TBC1D5: variants seen among roughly 807,000 people sequenced by gnomAD.
TBC1D5 encodes the protein TBC1 domain family, member 5.
Under a neutral mutation model 100.3 loss-of-function variants are expected in TBC1D5, and 75 were observed. The ratio of observed to expected loss-of-function variants is 0.75; its 90% CI spans 0.62 to 0.91. TBC1D5 has a LOEUF of 0.91. Among genes scored for constraint, TBC1D5 ranks in the 40% least tolerant of loss-of-function variants. TBC1D5 has a pLI of 0.00. For missense variants in TBC1D5, 910 were observed against 942.4 expected, an observed-to-expected ratio of 0.97 and a Z score of 0.45; for synonymous variants, 323 against 325.6, an observed-to-expected ratio of 0.99 and a Z score of 0.09.
Position 17,271,312 on chromosome 3 carries a change from C to T in TBC1D5, c.1246-12721G>A, listed in dbSNP as rs117689878. On this transcript the variant is annotated intron_variant, in intron 15 of 21. Coordinates refer to ENST00000253692, the Ensembl canonical transcript of TBC1D5. Reference sequence around the variant, plus strand: ...CTTTCGGCAGTGTTTTGCAGTTCTCCTTGTAGAGACCTTTCATGTCCTTGG... The same window carrying T: ...CTTTCGGCAGTGTTTTGCAGTTCTCTTTGTAGAGACCTTTCATGTCCTTGG... Among the ~76,000 whole-genome samples, 98 of 152,088 alleles carry T rather than the reference C, an allele frequency of 6.4e-4. 2 individuals are homozygous for T. The East Asian group carries it at 0.019, about 29-fold the overall frequency.
intron 1 of TBC1D5, among the ~76,000 whole-genome samples, chr3:17,708,078 G>A (rs1322552158): frequency 6.6e-6 from 1 of 152,116 alleles, no homozygotes; most frequent in African/African-American, 2.4e-5. Context: ...ACCACCCCCA[G>A]TGGCATTCCC....
intron 1 of TBC1D5, among the ~76,000 whole-genome samples, chr3:17,641,014 GCTTTC>G (rs1313283993): frequency 1.3e-5 from 2 of 150,904 alleles, no homozygotes; most frequent in Non-Finnish European, 1.5e-5. Flanking sequence ...CCATTTTTCT[GCTTTC>G]CTTTCATCTA....
intron 13 of TBC1D5, among the ~76,000 whole-genome samples, chr3:17,334,508 G>C (rs73145823): frequency 0.09 from 13,617 of 152,098 alleles, 1,387 homozygotes; most frequent in African/African-American, 0.25. Flanking sequence ...AGATGGCTAA[G>C]TAACTTGACC....
intron 1 of TBC1D5, among the ~76,000 whole-genome samples, chr3:17,693,134 AAC>A (rs375518988): frequency 6.6e-6 from 1 of 152,236 alleles, no homozygotes; most frequent in African/African-American, 2.4e-5. Context: ...GCCAAATAGG[AAC>A]AGCTTCAGTC....
At chr3:17,596,700 C>CAAAAAAAA (rs34625799) in intron 2 of TBC1D5, among the ~76,000 whole-genome samples, 45 of 44,780 alleles carry the variant, frequency 1.0e-3, no homozygotes, top group Non-Finnish European at 1.4e-3. Flanking sequence ...GACTCCATCT[C>CAAAAAAAA]AAAAAAAAAA....
chr3:17,513,841 T>A (rs2095945740), intron 2 of TBC1D5, among the ~76,000 whole-genome samples: 3 of 151,844 alleles, frequency 2.0e-5, no homozygotes, highest in Admixed American at 6.6e-5. Flanking sequence ...TAACCAGAAA[T>A]ATGACATATG....
At chr3:17,440,391 A>G (rs2149525421) in intron 3 of TBC1D5, among the ~76,000 whole-genome samples, 1 of 152,232 alleles carries the variant, frequency 6.6e-6, no homozygotes, top group African/African-American at 2.4e-5. Context: ...TTTGGGAGGC[A>G]GAGGTGGGCA....
At chr3:17,233,491 C>T (rs1559459893) in intron 17 of TBC1D5, among the ~76,000 whole-genome samples, 194 bp downstream of exon 18, 1 of 152,088 alleles carries the variant, frequency 6.6e-6, no homozygotes, top group Non-Finnish European at 1.5e-5. Context: ...CAGCCATATT[C>T]GGCATCACCA....
intron 2 of TBC1D5, among the ~76,000 whole-genome samples, chr3:17,602,561 A>ATTTTTTTTTTTT (rs33956978): frequency 1.1e-4 from 8 of 74,514 alleles, no homozygotes; most frequent in East Asian, 4.0e-4. Context: ...AGAGAATCAG[A>ATTTTTTTTTTTT]TTTTTTTTTT....
chr3:17,226,943 C>A (rs1483130711), intron 17 of TBC1D5, among the ~76,000 whole-genome samples: 5 of 152,112 alleles, frequency 3.3e-5, no homozygotes, highest in Non-Finnish European at 5.9e-5. Context: ...CGTGACCAAA[C>A]ATCAGGGAAT....
intron 1 of TBC1D5, among the ~76,000 whole-genome samples, chr3:17,666,906 T>C (rs1353793058): frequency 3.0e-4 from 46 of 152,194 alleles, no homozygotes; most frequent in Non-Finnish European, 2.9e-5. Flanking sequence ...TATTAGATCT[T>C]TCGTGTTTTT....
Position 17,622,193 on chromosome 3 carries a change from G to A in TBC1D5, c.-36+1656C>T, listed in dbSNP as rs556773712. Among the ~76,000 whole-genome samples the A allele has an allele frequency of 2.9e-4, 44 of 152,192 alleles. No homozygotes were observed. The South Asian group carries it at 6.9e-3, about 24-fold the overall frequency. ...AAGGAATGAGCAATGTGGATCCCTC[G>A]CATACACAATTCGTAACAGGGTTTG... On this transcript the variant is annotated intron_variant, in intron 2 of 21. Coordinates refer to ENST00000253692, the Ensembl canonical transcript of TBC1D5.
chr3:17,278,092 C>T (rs1046037218), intron 15 of TBC1D5, among the ~76,000 whole-genome samples: 2 of 152,198 alleles, frequency 1.3e-5, no homozygotes, highest in Non-Finnish European at 2.9e-5. Flanking sequence ...CAGTGAAACT[C>T]AAGACCTTAG....
intron 13 of TBC1D5, among the ~76,000 whole-genome samples, chr3:17,334,055 T>C (rs1016705502): frequency 1.3e-5 from 2 of 151,738 alleles, no homozygotes; most frequent in African/African-American, 2.4e-5. Flanking sequence ...GGTAAATGAA[T>C]TGGAAGTCAA....
chr3:17,461,852 C>G (rs2095217108), intron 3 of TBC1D5, among the ~76,000 whole-genome samples: 1 of 152,148 alleles, frequency 6.6e-6, no homozygotes, highest in Non-Finnish European at 1.5e-5. Flanking sequence ...TTTCTCCTCC[C>G]TATCTATGCT....
intron 2 of TBC1D5, among the ~76,000 whole-genome samples, chr3:17,532,056 G>T (rs1344084752): frequency 6.6e-6 from 1 of 152,172 alleles, no homozygotes; most frequent in Non-Finnish European, 1.5e-5. Flanking sequence ...GGAACCTACA[G>T]AATGGGAGAA....
chr3:17,511,180 A>G (rs1213667813), intron 2 of TBC1D5, among the ~76,000 whole-genome samples: 4 of 152,068 alleles, frequency 2.6e-5, no homozygotes, highest in Non-Finnish European at 5.9e-5. Flanking sequence ...AATTAAAAGA[A>G]AAATACTGAG....
intron 13 of TBC1D5, among the ~76,000 whole-genome samples, chr3:17,326,068 G>A (rs1282660974): frequency 2.0e-5 from 3 of 152,112 alleles, no homozygotes; most frequent in Non-Finnish European, 4.4e-5. Context: ...CACTAAGAAC[G>A]TAGTATGTAA....
chr3:17,497,535 A>G (rs2095729578), intron 3 of TBC1D5, among the ~76,000 whole-genome samples: 1 of 152,228 alleles, frequency 6.6e-6, no homozygotes, highest in African/African-American at 2.4e-5. Context: ...AATTTTCATA[A>G]TCATCATGTC....
Sources: allele counts gnomAD v4.1 joint callset (sites outside exome capture counted in the v4.1 genomes callset), GRCh38; gene constraint gnomAD v4.1.1; transcripts MANE v1.5; gene names NCBI Gene and HGNC (gene_info 2026-07-23, HGNC 2026-07-21).